CPNE4: variants seen among roughly 807,000 people sequenced by gnomAD.
CPNE4 encodes copine 4.
CPNE4 carries 25 observed loss-of-function variants against 67.9 expected under a neutral mutation model. That is an observed-to-expected ratio of 0.37 (90% CI 0.27 to 0.51). The LOEUF (loss-of-function observed/expected upper bound fraction) is 0.51, where lower values mean the gene tolerates loss of function less well. Among genes scored for constraint, CPNE4 ranks in the 20% least tolerant of loss-of-function variants. The pLI is 0.93. For missense variants in CPNE4, 464 were observed against 690.8 expected (o/e 0.67, Z 3.68); for synonymous variants, 242 against 244.9 (o/e 0.99, Z 0.11).
intron 4 of CPNE4, among the ~76,000 whole-genome samples, chr3:131,697,358 T>C (rs534568787): frequency 2.0e-5 from 3 of 152,294 alleles, no homozygotes; most frequent in African/African-American, 7.2e-5. Flanking sequence ...GTTAAAACCT[T>C]TATAAATAAT....
chr3:131,597,301 C>A (rs566960264), intron 7 of CPNE4, among the ~76,000 whole-genome samples: 1 of 151,464 alleles, frequency 6.6e-6, no homozygotes, highest in South Asian at 2.1e-4. Flanking sequence ...CACATCAGGG[C>A]CTGTTGTGGG....
At chr3:131,732,580 G>T (rs1420128579) in intron 2 of CPNE4, among the ~76,000 whole-genome samples, 2 of 152,096 alleles carry the variant, frequency 1.3e-5, no homozygotes, top group African/African-American at 4.8e-5. Context: ...CTCTCCCTGG[G>T]TTCCAGTAAC....
chr3:131,779,632 T>G lies in CPNE4; in HGVS notation c.181-56007A>C, dbSNP rs145442372. ...GTTGTGGAATAACTGGCTACCCATATGCAGAAGATTGAAACTGGACCCTTA... is the reference window on the plus strand; with the variant it reads ...GTTGTGGAATAACTGGCTACCCATAGGCAGAAGATTGAAACTGGACCCTTA... On this transcript the variant is annotated intron_variant, in intron 2 of 15. Coordinates refer to ENST00000429747, the MANE Select transcript of CPNE4 (RefSeq NM_130808.3). Among the ~76,000 whole-genome samples the G allele has an allele frequency of 1.8e-3, 275 of 152,244 alleles. 3 individuals are homozygous for G. In the East Asian group the frequency reaches 0.034, roughly 19 times the overall value.
chr3:131,842,340 C>A (rs971087692), intron 2 of CPNE4, among the ~76,000 whole-genome samples: 4 of 152,124 alleles, frequency 2.6e-5, no homozygotes, highest in Admixed American at 6.5e-5. Context: ...CACTAATGAC[C>A]AACTGGATCC....
intron 12 of CPNE4, among the ~76,000 whole-genome samples, chr3:131,554,008 G>T (rs1455935818): frequency 6.6e-6 from 1 of 152,052 alleles, no homozygotes; most frequent in Non-Finnish European, 1.5e-5. Context: ...CAGCAAGAAA[G>T]ATTAGTTACT....
chr3:131,568,835 T>C (rs918454135), intron 10 of CPNE4, among the ~76,000 whole-genome samples: 2 of 151,984 alleles, frequency 1.3e-5, no homozygotes, highest in African/African-American at 4.8e-5. Flanking sequence ...AACAGGTCAT[T>C]TGTGAACCTT....
chr3:131,858,673 G>C (rs2086550973), intron 2 of CPNE4, among the ~76,000 whole-genome samples: 1 of 152,058 alleles, frequency 6.6e-6, no homozygotes, highest in African/African-American at 2.4e-5. Context: ...TTCTTCCCAA[G>C]GTTATGGCAA....
intron 1 of CPNE4, among the ~76,000 whole-genome samples, chr3:131,982,704 G>A (rs2072938040): frequency 6.6e-6 from 1 of 152,000 alleles, no homozygotes. Context: ...TTTTTAGAAA[G>A]ATCAAGATTT....
At chr3:131,559,454 G>C (rs1936641365) in intron 11 of CPNE4, among the ~76,000 whole-genome samples, 1 of 151,856 alleles carries the variant, frequency 6.6e-6, no homozygotes, top group Non-Finnish European at 1.5e-5. Context: ...TTCAGTAAGA[G>C]CTGATTTCTG....
intron 1 of CPNE4, among the ~76,000 whole-genome samples, chr3:131,979,657 T>A (rs780528110): frequency 3.3e-5 from 5 of 152,218 alleles, no homozygotes; most frequent in Non-Finnish European, 5.9e-5. Context: ...ATCTTTTAAG[T>A]GGAGCATTTA....
chr3:131,570,708 A>T (rs929466276), intron 10 of CPNE4, among the ~76,000 whole-genome samples: 3 of 152,050 alleles, frequency 2.0e-5, no homozygotes, highest in African/African-American at 7.2e-5. Context: ...GACTGTCTTC[A>T]GGAGTGCCCT....
chr3:131,612,705 T>C (rs1362723020), intron 7 of CPNE4, among the ~76,000 whole-genome samples: 2 of 152,160 alleles, frequency 1.3e-5, no homozygotes, highest in South Asian at 2.1e-4. Context: ...TCATATAATT[T>C]CCTCACTGAG....
chr3:131,997,704 G>A (rs2073330426), intron 1 of CPNE4, among the ~76,000 whole-genome samples: 1 of 152,064 alleles, frequency 6.6e-6, no homozygotes, highest in Admixed American at 6.6e-5. Flanking sequence ...TTATAGGTAT[G>A]GGAAAGACAT....
chr3:131,731,983 G>A (rs1216307208), intron 2 of CPNE4, among the ~76,000 whole-genome samples: 1 of 152,162 alleles, frequency 6.6e-6, no homozygotes, highest in East Asian at 1.9e-4. Flanking sequence ...GGGGTGGCGG[G>A]GAACCAATGC....
intron 7 of CPNE4, among the ~76,000 whole-genome samples, chr3:131,652,641 T>C (rs1229073021): frequency 6.6e-6 from 1 of 152,178 alleles, no homozygotes; most frequent in East Asian, 1.9e-4. Flanking sequence ...GAGAAGAATA[T>C]ACTGTTATTA....
chr3:131,778,083 C>T (rs531686128), intron 2 of CPNE4, among the ~76,000 whole-genome samples: 19 of 152,098 alleles, frequency 1.2e-4, no homozygotes, highest in Non-Finnish European at 1.6e-4. Context: ...CTTGGTCTTG[C>T]CCTTGTCCTC....
At chr3:131,886,631 C>T (rs1034575590) in intron 2 of CPNE4, among the ~76,000 whole-genome samples, 5 of 152,194 alleles carry the variant, frequency 3.3e-5, no homozygotes, top group African/African-American at 1.2e-4. Flanking sequence ...GGGAGGGAGG[C>T]TGTACCCTGC....
At chr3:131,728,924 A>C (rs964872103) in intron 2 of CPNE4, among the ~76,000 whole-genome samples, 1 of 130,830 alleles carries the variant, frequency 7.6e-6, no homozygotes, top group East Asian at 2.2e-4. Flanking sequence ...AAAAAAAAAA[A>C]TTGGCTTGTG....
intron 2 of CPNE4, among the ~76,000 whole-genome samples, chr3:131,799,731 C>T (rs970021803): frequency 6.6e-6 from 1 of 152,106 alleles, no homozygotes; most frequent in African/African-American, 2.4e-5. Flanking sequence ...AAAACATACC[C>T]AGCATGACAA....
Sources: gnomAD v4.1 joint callset for allele counts (sites outside exome capture counted in the v4.1 genomes callset) on GRCh38, gnomAD v4.1.1 for gene constraint, MANE v1.5 for transcripts, NCBI Gene and HGNC (gene_info 2026-07-23, HGNC 2026-07-21) for gene names.